AKAP11: variants seen among roughly 807,000 people sequenced by gnomAD.
The protein encoded by AKAP11 is A-kinase anchor protein 11.
In AKAP11, 36 loss-of-function variants were observed where a neutral mutation model predicts 146.1. The ratio of observed to expected loss-of-function variants is 0.25; its 90% CI spans 0.19 to 0.33. The LOEUF (loss-of-function observed/expected upper bound fraction) is 0.33. Ranked by LOEUF, AKAP11 falls within the 10% of genes least tolerant of loss-of-function variation. AKAP11 has a pLI of 1.00. For missense variants in AKAP11, 2,201 were observed against 2,197.0 expected, an observed-to-expected ratio of 1.00 and a Z score of -0.04; for synonymous variants, 780 against 786.5, an observed-to-expected ratio of 0.99 and a Z score of 0.14.
Position 42,301,324 on chromosome 13 carries a change from C to G in AKAP11, c.2578C>G (p.Gln860Glu). 6.2e-7 allele frequency: 1 copy of G among 1,613,910 alleles called. No individual in the cohort carries two copies. Among genetic ancestry groups the G allele is most frequent in the Non-Finnish European group, 8.5e-7 (1 of 1,179,958 alleles). ...FKPTNDDIEM[Q>E]SSSKLPNDPA... ...ACCAACTAATGACGATATTGAAATGCAGAGTTCCTCAAAATTACCAAATGA... is the reference window on the plus strand; with the variant it reads ...ACCAACTAATGACGATATTGAAATGGAGAGTTCCTCAAAATTACCAAATGA... The change falls in exon 8 of 13, where the codon CAG (glutamine) becomes GAG (glutamate). Residue 860 changes from glutamine (Q) to glutamate (E), a missense_variant. Gln to Glu is a conservative substitution (Grantham distance 29). Transcript: ENST00000025301.
At position 42,302,099 on chromosome 13, in the gene AKAP11, A is replaced by G. The variant is rs1168803418; in HGVS notation, c.3353A>G (p.Lys1118Arg). The G allele has an allele frequency of 6.2e-7, 1 of 1,614,114 alleles. No homozygotes were observed. The highest frequency in any genetic ancestry group is 1.3e-5 in the African/African-American group (1 of 74,954). Residue 1118 changes from lysine to arginine, a missense_variant, in exon 8 of 13, where the codon AAG (lysine) becomes AGG (arginine). Around this residue, in one of 3 missense-constraint regions of AKAP11, gnomAD observed 1,867 missense variants for 1,833.5 expected, o/e 1.02. Coordinates refer to ENST00000025301, the MANE Select transcript of AKAP11 (RefSeq NM_016248.4). ...PSRASSEWDI[K>R]KLTKKLKGEL... ...CGGGCTAGTTCTGAATGGGATATCA[A>G]GAAGTTAACTAAAAAGCTCAAGGGA...
chr13:42,321,596 T>G lies in AKAP11; in HGVS notation c.*2368T>G, dbSNP rs1273240942. 1 of 152,312 alleles carries G rather than the reference T, an allele frequency of 6.6e-6. No homozygotes were observed. The highest frequency in any genetic ancestry group is 2.4e-5 in the African/African-American group (1 of 41,456). The allele number at this position is 152,312 out of a possible 1,614,324, so 9.4% of individuals were successfully genotyped here. A position where few individuals can be genotyped will look rare whatever the true frequency, so the allele number is the denominator to read the frequency against. On this transcript the variant is annotated 3_prime_UTR_variant, in exon 13 of 13. Coordinates refer to ENST00000025301, the MANE Select transcript of AKAP11 (RefSeq NM_016248.4). ...AAATTCCTCATATAGAGAAAATAAT[T>G]TTGAGTTTAGAGTATTATCTTTTAA... is the stretch of plus-strand genomic sequence containing the variant.
upstream of AKAP11, among the ~76,000 whole-genome samples, chr13:42,271,858 G>GC (rs1320706473): frequency 1.3e-5 from 2 of 152,024 alleles, no homozygotes; most frequent in East Asian, 3.9e-4. Context: ...CAGCGGGGCT[G>GC]CCCCGCGGGC....
chr13:42,279,286 C>G (rs547905933), intron 1 of AKAP11, among the ~76,000 whole-genome samples: 66 of 151,224 alleles, frequency 4.4e-4, no homozygotes, highest in Admixed American at 2.6e-3. Context: ...CACACACTCT[C>G]TCTCTCTCAC....
chr13:42,308,840 CATACATTTAATTTT>C (rs1960414113), intron 9 of AKAP11, among the ~76,000 whole-genome samples: 2 of 152,024 alleles, frequency 1.3e-5, no homozygotes, highest in Non-Finnish European at 2.9e-5. Flanking sequence ...AAAAATATTG[CATACATTTAATTTT>C]ATGCCTTTTA....
intron 1 of AKAP11, among the ~76,000 whole-genome samples, chr13:42,278,608 A>G (rs1481907394): frequency 1.3e-5 from 2 of 152,134 alleles, no homozygotes; most frequent in Admixed American, 6.5e-5. Flanking sequence ...TTTGTCATAC[A>G]TTTTATCAAT....
chr13:42,303,096 G>A lies in AKAP11; in HGVS notation c.4350G>A (p.Glu1450=). 1 of 1,613,712 alleles carries A rather than the reference G, an allele frequency of 6.2e-7. No homozygotes were observed. Among genetic ancestry groups the A allele is most frequent in the South Asian group, 1.1e-5 (1 of 91,046 alleles). ...GGACCCTGGATCCATATAGAAATGA[G>A]GTCTCCCAACTGTATAGTTTTTCAA... ...CERTLDPYRN[E]VSQLYSFSTS... is the part of the protein sequence containing the mutation. The change falls in exon 8 of 13, where the codon GAG becomes GAA. Residue 1450 remains glutamate, a synonymous_variant. Transcript: ENST00000025301.
chr13:42,283,726 G>A (rs1375343171), intron 1 of AKAP11, among the ~76,000 whole-genome samples: 1 of 152,168 alleles, frequency 6.6e-6, no homozygotes, highest in Non-Finnish European at 1.5e-5. Context: ...TTGCTCAGTT[G>A]ACTTTAGTCA....
intron 8 of AKAP11, among the ~76,000 whole-genome samples, chr13:42,306,476 A>G (rs1055737485): frequency 2.6e-5 from 4 of 152,172 alleles, no homozygotes; most frequent in Non-Finnish European, 1.5e-5. Flanking sequence ...TTGGGTGAGT[A>G]GATAGCCCCT....
In AKAP11 at chr13:42,288,813, T is replaced by G. The variant is rs116744856; in HGVS notation, c.51+2414T>G. On this transcript the variant is annotated intron_variant, in intron 3 of 12. Transcript: ENST00000025301. ...TGTTTCACATCTGGATTTCTCTGGTTGTTTTCTCATATTGCTATTTAATTT... is the reference window on the plus strand; with the variant it reads ...TGTTTCACATCTGGATTTCTCTGGTGGTTTTCTCATATTGCTATTTAATTT... Among the ~76,000 whole-genome samples, 1,427 of 152,334 alleles carry G rather than the reference T, an allele frequency of 9.4e-3. 23 individuals are homozygous for G. Among genetic ancestry groups the G allele is most frequent in the African/African-American group, 0.032 (1,329 of 41,584 alleles).
upstream of AKAP11, among the ~76,000 whole-genome samples, chr13:42,271,650 G>A (rs951248140): frequency 2.0e-5 from 3 of 152,224 alleles, no homozygotes; most frequent in Admixed American, 6.5e-5. Context: ...GGGAAAAGAG[G>A]CAGAGCCTGA....
chr13:42,283,574 G>A (rs909202247), intron 1 of AKAP11, among the ~76,000 whole-genome samples: 1 of 152,130 alleles, frequency 6.6e-6, no homozygotes, highest in Non-Finnish European at 1.5e-5. Flanking sequence ...TGTTGTTTCA[G>A]AGCACTCCCA....
In AKAP11 at chr13:42,319,401, C is replaced by T; in HGVS notation, c.*173C>T. On this transcript the variant is annotated 3_prime_UTR_variant, in exon 13 of 13. Transcript: ENST00000025301. ...TATCACTCGGTGTATATAGTTCATACTTTTGTAATCTGTCAAAATACTACC... is the reference window on the plus strand; with the variant it reads ...TATCACTCGGTGTATATAGTTCATATTTTTGTAATCTGTCAAAATACTACC... 1.3e-6 allele frequency: 1 copy of T among 772,932 alleles called. No individual in the cohort carries two copies. The allele number at this position is 772,932 out of a possible 1,614,324, so 47.9% of individuals were successfully genotyped here.
chr13:42,284,174 T>A (rs1594305205), intron 1 of AKAP11, among the ~76,000 whole-genome samples: 1 of 152,240 alleles, frequency 6.6e-6, no homozygotes, highest in East Asian at 1.9e-4. Flanking sequence ...GATGTTTACA[T>A]AAACCTCTTA....
rs745584844 is a variant in AKAP11 at position 42,301,017 on chromosome 13, G to A, written c.2271G>A (p.Val757=). ...AAGCAATTATGGTGACAAAACCAGTGCAGGAATATAAAAAGGAATACACAG... is the reference window on the plus strand; with the variant it reads ...AAGCAATTATGGTGACAAAACCAGTACAGGAATATAAAAAGGAATACACAG... ...HNQAIMVTKP[V]QEYKKEYTVQ... The change falls in exon 8 of 13, where the codon GTG becomes GTA. Residue 757 remains valine, a synonymous_variant. Coordinates refer to ENST00000025301, the MANE Select transcript of AKAP11 (RefSeq NM_016248.4). 8 of 1,614,100 alleles carry A rather than the reference G, an allele frequency of 5.0e-6. No individual in the cohort carries two copies. Among genetic ancestry groups the A allele is most frequent in the East Asian group, 2.2e-5 (1 of 44,890 alleles).
Position 42,317,544 on chromosome 13 carries a change from A to G in AKAP11, c.5421A>G (p.Gly1807=). 1.2e-6 allele frequency: 2 copies of G among 1,613,546 alleles called. No individual in the cohort carries two copies. The highest frequency in any genetic ancestry group is 1.7e-6 in the Non-Finnish European group (2 of 1,179,832). ...AAATATTAGGTTTGGGGCAAGATGGAAAGACACTGCTAATTACGAATATTG... is the reference window on the plus strand; with the variant it reads ...AAATATTAGGTTTGGGGCAAGATGGGAAGACACTGCTAATTACGAATATTG... ...EDEVEGLGQD[G]KTLLITNIDM... Residue 1807 remains glycine (G), a synonymous_variant, in exon 12 of 13, where the codon GGA becomes GGG. Coordinates refer to ENST00000025301, the MANE Select transcript of AKAP11 (RefSeq NM_016248.4).
Position 42,302,149 on chromosome 13 carries a change from G to C in AKAP11, c.3403G>C (p.Ala1135Pro), listed in dbSNP as rs1023214863. 2 of 1,614,156 alleles carry C rather than the reference G, an allele frequency of 1.2e-6. No individual in the cohort carries two copies. Among genetic ancestry groups the C allele is most frequent in the Non-Finnish European group, 1.7e-6 (2 of 1,180,004 alleles). Residue 1135 changes from alanine (A) to proline (P), a missense_variant, in exon 8 of 13, where the codon GCT (alanine) becomes CCT (proline). Physicochemically the swap from Ala to Pro is conservative, Grantham distance 27 (BLOSUM62 -1). Around this residue, in one of 3 missense-constraint regions of AKAP11, gnomAD observed 1,867 missense variants for 1,833.5 expected, o/e 1.02. Transcript: ENST00000025301. Reference protein sequence around the residue: ...KGELAKEFAPATPPSTPHNSS... With the variant: ...KGELAKEFAPPTPPSTPHNSS... ...AGAATTAGCCAAAGAGTTTGCACCT[G>C]CTACACCACCTTCTACTCCACACAA... is the stretch of plus-strand genomic sequence containing the variant.
At chr13:42,274,576 C>T (rs1004652654) in intron 1 of AKAP11, among the ~76,000 whole-genome samples, 7 of 152,064 alleles carry the variant, frequency 4.6e-5, no homozygotes, top group Non-Finnish European at 7.3e-5. Context: ...CCCATCTAGT[C>T]GAGAGGCTGA....
intron 5 of AKAP11, among the ~76,000 whole-genome samples, chr13:42,296,667 A>G (rs17703085): frequency 0.13 from 19,394 of 152,036 alleles, 1,380 homozygotes; most frequent in South Asian, 0.2. Context: ...AAAGTTTTTA[A>G]GATGTACATT....
Sources: gnomAD v4.1 joint callset for allele counts (sites outside exome capture counted in the v4.1 genomes callset) on GRCh38, gnomAD v4.1.1 for gene constraint, gnomAD v4.1.1 regional missense constraint, MANE v1.5 for transcripts, NCBI Gene and HGNC (gene_info 2026-07-23, HGNC 2026-07-21) for gene names.